ASXL3: variants seen among roughly 807,000 people sequenced by gnomAD.
ASXL3 encodes the protein ASXL transcriptional regulator 3.
In ASXL3, 34 loss-of-function variants were observed where a neutral mutation model predicts 170.6. That is an observed-to-expected ratio of 0.20 (90% CI 0.15 to 0.27). ASXL3 has a LOEUF of 0.27. ASXL3 is among the 10% of genes least tolerant of loss of function. ASXL3 has a pLI of 1.00. For missense variants in ASXL3, 2,592 were observed against 2,695.3 expected, an observed-to-expected ratio of 0.96 and a Z score of 0.85; for synonymous variants, 1,002 against 989.1, an observed-to-expected ratio of 1.01 and a Z score of -0.24.
intron 4 of ASXL3, among the ~76,000 whole-genome samples, chr18:33,652,164 A>G (rs914803030): frequency 1.2e-4 from 18 of 151,996 alleles, no homozygotes; most frequent in African/African-American, 4.3e-4. Flanking sequence ...AAATATTATA[A>G]ATTTTATGGT....
At chr18:33,684,607 C>T (rs536605592) in intron 8 of ASXL3, among the ~76,000 whole-genome samples, 3 of 152,068 alleles carry the variant, frequency 2.0e-5, no homozygotes, top group Admixed American at 2.0e-4. Flanking sequence ...AGTTTTTTCT[C>T]TTTCAATAAC....
intron 2 of ASXL3, among the ~76,000 whole-genome samples, chr18:33,631,250 A>G (rs1269496233): frequency 6.6e-6 from 1 of 152,122 alleles, no homozygotes; most frequent in Admixed American, 6.5e-5. Context: ...CAGGAACAGC[A>G]GAGGAGCTCT....
chr18:33,743,767 G>T lies in ASXL3; in HGVS notation c.3919G>T (p.Ala1307Ser). The T allele has an allele frequency of 6.2e-7, 1 of 1,613,908 alleles. No homozygotes were observed. The highest frequency in any genetic ancestry group is 8.5e-7 in the Non-Finnish European group (1 of 1,179,896). ...ATGTATTGAAAGCACTCCCATTTCAGCCACTACAGAGGGCTCCAGCATATC... is the reference window on the plus strand; with the variant it reads ...ATGTATTGAAAGCACTCCCATTTCATCCACTACAGAGGGCTCCAGCATATC... ...PKCIESTPISATTEGSSISSS... is the reference protein window; with the variant it reads ...PKCIESTPISSTTEGSSISSS... The change falls in exon 12 of 12, where the codon GCC (alanine) becomes TCC (serine). Residue 1307 changes from alanine to serine, a missense_variant. Transcript: ENST00000269197.
Position 33,743,121 on chromosome 18 carries a change from A to G in ASXL3, c.3273A>G (p.Gly1091=). ...SIVSGAMGSP[G]EGGKTRTLAH... ...TCTCTGGAGCCATGGGAAGTCCAGG[A>G]GAGGGTGGAAAGACGAGAACTCTGG... Residue 1091 remains glycine, a synonymous_variant, in exon 12 of 12, where the codon GGA becomes GGG. Transcript: ENST00000269197. 9 of 1,613,838 alleles carry G rather than the reference A, an allele frequency of 5.6e-6. No homozygotes were observed. Among genetic ancestry groups the G allele is most frequent in the Non-Finnish European group, 7.6e-6 (9 of 1,179,866 alleles).
chr18:33,708,832 T>C (rs1418739979), intron 8 of ASXL3, among the ~76,000 whole-genome samples: 1 of 152,238 alleles, frequency 6.6e-6, no homozygotes, highest in African/African-American at 2.4e-5. Context: ...CATGTGGTTA[T>C]ATATAATTTT....
At chr18:33,686,604 T>C (rs1350619010) in intron 8 of ASXL3, among the ~76,000 whole-genome samples, 2 of 152,150 alleles carry the variant, frequency 1.3e-5, no homozygotes, top group African/African-American at 4.8e-5. Context: ...CAAAGACATA[T>C]TGCTTATATG....
At chr18:33,649,154 TA>T (rs2065959119) in intron 4 of ASXL3, among the ~76,000 whole-genome samples, 1 of 152,106 alleles carries the variant, frequency 6.6e-6, no homozygotes, top group Non-Finnish European at 1.5e-5. Flanking sequence ...AATTATTCAC[TA>T]ATGGGAACAT....
Position 33,747,532 on chromosome 18 carries a change from A to AAAG in ASXL3, c.*938_*940dup, listed in dbSNP as rs1431133037. ...CACGCTAATGAATTACTAGATATTA[A>AAAG]AAGTGGGGGGTGGAAATCATTGTAG... On this transcript the variant is annotated 3_prime_UTR_variant, in exon 12 of 12. Transcript: ENST00000269197. 1.3e-5 allele frequency: 2 copies of AAAG among 152,210 alleles called. No homozygotes were observed. Among genetic ancestry groups the AAAG allele is most frequent in the African/African-American group, 4.8e-5 (2 of 41,452 alleles). The allele number at this position is 152,210 out of a possible 1,614,324, so 9.4% of individuals were successfully genotyped here. A position where few individuals can be genotyped will look rare whatever the true frequency, so the allele number is the denominator to read the frequency against.
chr18:33,663,562 CTTTGT>C (rs147612472), intron 5 of ASXL3, among the ~76,000 whole-genome samples: 4,641 of 152,098 alleles, frequency 0.031, 233 homozygotes, highest in African/African-American at 0.11. Flanking sequence ...AGAGTCTAAG[CTTTGT>C]TTTAAGAATC....
At chr18:33,654,438 C>A (rs1169048763) in intron 4 of ASXL3, among the ~76,000 whole-genome samples, 1 of 152,068 alleles carries the variant, frequency 6.6e-6, no homozygotes, top group East Asian at 1.9e-4. Flanking sequence ...ATTGTATAAG[C>A]ATTTCTCAAA....
rs189245907 is a variant in ASXL3, at chr18:33,633,614, G to A, written c.138-11280G>A. 5.0e-3 allele frequency among the ~76,000 whole-genome samples: 758 copies of A among 152,062 alleles called. 2 individuals carry two copies. The highest frequency in any genetic ancestry group is 8.6e-3 in the Non-Finnish European group (586 of 67,980). On this transcript the variant is annotated intron_variant, in intron 2 of 11. Transcript: ENST00000269197. ...ATCCCAGCATTTTGGGAGGCCAAGGGGGGTGGATCATGAGGTCGGGAGATT... is the reference window on the plus strand; with the variant it reads ...ATCCCAGCATTTTGGGAGGCCAAGGAGGGTGGATCATGAGGTCGGGAGATT...
chr18:33,594,816 C>G (rs2065110924), intron 1 of ASXL3, among the ~76,000 whole-genome samples: 1 of 152,070 alleles, frequency 6.6e-6, no homozygotes, highest in African/African-American at 2.4e-5. Flanking sequence ...CTCAAGTGAT[C>G]CTCCCATCTT....
At position 33,737,520 on chromosome 18, in the gene ASXL3, G is replaced by A. The variant is rs147431576; in HGVS notation, c.1083-967G>A. Among the ~76,000 whole-genome samples, 539 of 152,188 alleles carry A rather than the reference G, an allele frequency of 3.5e-3. 6 individuals carry two copies. The highest frequency in any genetic ancestry group is 0.012 in the African/African-American group (507 of 41,530). The stretch of plus-strand genomic sequence containing the variant: ...ACAGTGATTTACAGTACCCTTGATT[G>A]TAACTCTGATTAGATTTGCCTTAAG... On this transcript the variant is annotated intron_variant, in intron 10 of 11. Transcript: ENST00000269197.
At chr18:33,647,463 T>TC (rs1416835482) in intron 4 of ASXL3, among the ~76,000 whole-genome samples, 4 of 151,960 alleles carry the variant, frequency 2.6e-5, no homozygotes, top group Admixed American at 2.6e-4. Flanking sequence ...TTTTTGAGTA[T>TC]CCCCCCAATT....
chr18:33,644,806 AAG>A (rs1438300614), intron 2 of ASXL3, 86 bp from the exon 3 acceptor site: 4 of 743,904 alleles, frequency 5.4e-6, no homozygotes, highest in Admixed American at 3.4e-5. Context: ...TATTTTTTTT[AAG>A]AGAGAGCGAG....
chr18:33,731,358 G>T (rs948911885), intron 8 of ASXL3, among the ~76,000 whole-genome samples: 19 of 152,088 alleles, frequency 1.2e-4, no homozygotes, highest in African/African-American at 4.1e-4. Context: ...TTAGTACCAG[G>T]TGAAAGCATC....
chr18:33,619,222 CT>C (rs1206584974), intron 2 of ASXL3, among the ~76,000 whole-genome samples: 5 of 151,926 alleles, frequency 3.3e-5, no homozygotes, highest in African/African-American at 1.2e-4. Flanking sequence ...TGTTCTTAAC[CT>C]TTTTAAACAT....
intron 1 of ASXL3, among the ~76,000 whole-genome samples, chr18:33,603,897 A>G (rs2065214495): frequency 6.6e-6 from 1 of 152,096 alleles, no homozygotes; most frequent in Non-Finnish European, 1.5e-5. Flanking sequence ...CTGTTTCAGA[A>G]TCTGATTTGT....
chr18:33,687,062 G>A (rs575285694), intron 8 of ASXL3, among the ~76,000 whole-genome samples: 29 of 152,246 alleles, frequency 1.9e-4, no homozygotes, highest in African/African-American at 6.3e-4. Flanking sequence ...AGGATGAATA[G>A]GAATAAATGA....
Sources: allele counts gnomAD v4.1 joint callset (sites outside exome capture counted in the v4.1 genomes callset), GRCh38; gene constraint gnomAD v4.1.1; transcripts MANE v1.5; gene names NCBI Gene and HGNC (gene_info 2026-07-23, HGNC 2026-07-21).